Variants in SLC10A7 observed in about 807,000 individuals in gnomAD.
The protein encoded by SLC10A7 is solute carrier family 10 member 7.
SLC10A7 carries 29 observed loss-of-function variants against 43.2 expected under a neutral mutation model. That is an observed-to-expected ratio of 0.67 (90% CI 0.50 to 0.92). The LOEUF (loss-of-function observed/expected upper bound fraction) is 0.92. Among genes scored for constraint, SLC10A7 ranks in the 40% least tolerant of loss-of-function variants. The pLI is 0.00. For synonymous variants in SLC10A7, 152 were observed against 144.8 expected (o/e 1.05, Z -0.35); for missense variants, 295 against 403.2 (o/e 0.73, Z 2.30).
chr4:146,270,403 G>A (rs1226893596), intron 10 of SLC10A7, among the ~76,000 whole-genome samples: 4 of 152,188 alleles, frequency 2.6e-5, no homozygotes, highest in Non-Finnish European at 4.4e-5. Flanking sequence ...TAACCAATGG[G>A]TAGGTACAAC....
At chr4:146,409,484 C>T (rs1298835247) in intron 5 of SLC10A7, among the ~76,000 whole-genome samples, 1 of 151,898 alleles carries the variant, frequency 6.6e-6, no homozygotes, top group African/African-American at 2.4e-5. Flanking sequence ...AGAGGCATTG[C>T]CTACAAAAGG....
intron 7 of SLC10A7, among the ~76,000 whole-genome samples, chr4:146,299,207 C>T (rs900994568): frequency 2.6e-5 from 4 of 152,166 alleles, no homozygotes; most frequent in Non-Finnish European, 5.9e-5. Flanking sequence ...ATTTGGCACT[C>T]CTGGTTACAG....
chr4:146,449,815 T>A (rs771958895), intron 4 of SLC10A7, among the ~76,000 whole-genome samples: 22 of 152,094 alleles, frequency 1.4e-4, no homozygotes, highest in Non-Finnish European at 3.2e-4. Flanking sequence ...AAAACGTAGG[T>A]TTGGCCTCAC....
chr4:146,377,489 A>G (rs1042705899), intron 5 of SLC10A7, among the ~76,000 whole-genome samples: 6 of 152,182 alleles, frequency 3.9e-5, no homozygotes, highest in African/African-American at 1.4e-4. Context: ...ACTCACCTGC[A>G]TGCTCCTCCT....
intron 6 of SLC10A7, among the ~76,000 whole-genome samples, chr4:146,313,547 G>A (rs1732121407): frequency 6.6e-6 from 1 of 151,968 alleles, no homozygotes; most frequent in Non-Finnish European, 1.5e-5. Context: ...AGTGGTTTTA[G>A]GTTTATCATT....
intron 7 of SLC10A7, among the ~76,000 whole-genome samples, chr4:146,301,225 G>GGC (rs1238845916): frequency 6.6e-6 from 1 of 152,180 alleles, no homozygotes; most frequent in African/African-American, 2.4e-5. Context: ...ACAGCAGGCA[G>GGC]GCGTCACATT....
At chr4:146,489,135 A>G (rs1471584069) in intron 4 of SLC10A7, among the ~76,000 whole-genome samples, 4 of 152,206 alleles carry the variant, frequency 2.6e-5, no homozygotes, top group Non-Finnish European at 5.9e-5. Flanking sequence ...AGCTTCCTGA[A>G]AGGAGGCTTC....
In SLC10A7 at chr4:146,461,235, G is replaced by C. The variant is rs534955668; in HGVS notation, c.397-18414C>G. Among the ~76,000 whole-genome samples, 44 of 151,980 alleles carry C rather than the reference G, an allele frequency of 2.9e-4. No individual in the cohort carries two copies. The South Asian group carries it at 8.9e-3, about 31-fold the overall frequency. On this transcript the variant is annotated intron_variant, in intron 4 of 11. Coordinates refer to ENST00000335472, the MANE Select transcript of SLC10A7 (RefSeq NM_001029998.6). ...TCACAGAGGCATTTATAAAATACTAGAACTAGCACTTACAATGGAGTCTGA... is the reference window on the plus strand; with the variant it reads ...TCACAGAGGCATTTATAAAATACTACAACTAGCACTTACAATGGAGTCTGA...
At chr4:146,320,263 C>T (rs2149699508) in intron 6 of SLC10A7, among the ~76,000 whole-genome samples, 1 of 152,102 alleles carries the variant, frequency 6.6e-6, no homozygotes, top group African/African-American at 2.4e-5. Flanking sequence ...AAGAGTTCAG[C>T]AGGGTTAGTA....
chr4:146,289,582 T>TA (rs1339487122), intron 9 of SLC10A7, among the ~76,000 whole-genome samples: 1 of 152,124 alleles, frequency 6.6e-6, no homozygotes, highest in Non-Finnish European at 1.5e-5. Flanking sequence ...GCAGAATGGT[T>TA]AGGTCATTGG....
At chr4:146,278,928 T>C (rs1220259665) in intron 10 of SLC10A7, among the ~76,000 whole-genome samples, 1 of 152,210 alleles carries the variant, frequency 6.6e-6, no homozygotes, top group African/African-American at 2.4e-5. Flanking sequence ...GTTCTTGTCA[T>C]AGTTCAGCTG....
chr4:146,320,105 G>A (rs1447981001), intron 6 of SLC10A7, among the ~76,000 whole-genome samples: 1 of 152,066 alleles, frequency 6.6e-6, no homozygotes, highest in Non-Finnish European at 1.5e-5. Flanking sequence ...ATCCTCTAGA[G>A]AGTGGAAGAG....
At chr4:146,376,663 G>A (rs1737225055) in intron 5 of SLC10A7, among the ~76,000 whole-genome samples, 1 of 152,086 alleles carries the variant, frequency 6.6e-6, no homozygotes, top group Non-Finnish European at 1.5e-5. Flanking sequence ...TGAAATGCTT[G>A]TTCCCCAGTG....
rs1451756475 is a variant in SLC10A7 at position 146,259,929 on chromosome 4, T to C, written c.848-1092A>G. Among the ~76,000 whole-genome samples, 7 of 152,240 alleles carry C rather than the reference T, an allele frequency of 4.6e-5. No individual in the cohort carries two copies. In the South Asian group the frequency reaches 1.0e-3, roughly 22 times the overall value. On this transcript the variant is annotated intron_variant, in intron 10 of 11. Coordinates refer to ENST00000335472, the MANE Select transcript of SLC10A7 (RefSeq NM_001029998.6). ...TGAAAAGGACCTAAGCTCCTAACCA[T>C]GTACAATGATGGCACATAAATAACT...
intron 6 of SLC10A7, among the ~76,000 whole-genome samples, chr4:146,319,764 T>C (rs756628583): frequency 3.0e-4 from 45 of 151,994 alleles, no homozygotes; most frequent in Non-Finnish European, 4.9e-4. Flanking sequence ...ATGTGTAATA[T>C]TACAGAATGC....
At chr4:146,465,223 A>G (rs1732908909) in intron 4 of SLC10A7, among the ~76,000 whole-genome samples, 2 of 152,162 alleles carry the variant, frequency 1.3e-5, no homozygotes, top group Non-Finnish European at 1.5e-5. Flanking sequence ...CAAGTTTATG[A>G]AATTGATCTT....
chr4:146,427,533 G>C (rs997802206), intron 5 of SLC10A7, among the ~76,000 whole-genome samples: 1 of 152,124 alleles, frequency 6.6e-6, no homozygotes, highest in African/African-American at 2.4e-5. Context: ...TGGTGATATG[G>C]AATCAGGATT....
intron 10 of SLC10A7, among the ~76,000 whole-genome samples, chr4:146,263,744 T>C (rs977011120): frequency 6.6e-6 from 1 of 152,246 alleles, no homozygotes; most frequent in African/African-American, 2.4e-5. Flanking sequence ...CTTTAAGCTG[T>C]CATGCTGAAA....
At chr4:146,503,512 C>T (rs140983500) in intron 4 of SLC10A7, among the ~76,000 whole-genome samples, 1 of 152,166 alleles carries the variant, frequency 6.6e-6, no homozygotes, top group African/African-American at 2.4e-5. Context: ...GATAAGGAAT[C>T]GCCATACTGG....
Sources: allele counts gnomAD v4.1 joint callset (sites outside exome capture counted in the v4.1 genomes callset), GRCh38; gene constraint gnomAD v4.1.1; transcripts MANE v1.5; gene names NCBI Gene and HGNC (gene_info 2026-07-23, HGNC 2026-07-21).